The following SLC24A3 variants were observed in gnomAD, a reference collection of about 807,000 sequenced individuals.
SLC24A3 encodes the protein sodium/potassium/calcium exchanger 3.
Under a neutral mutation model 75.8 loss-of-function variants are expected in SLC24A3, and 28 were observed. The ratio of observed to expected loss-of-function variants is 0.37; its 90% confidence interval spans 0.27 to 0.51. The LOEUF (loss-of-function observed/expected upper bound fraction) is 0.51. Among genes scored for constraint, SLC24A3 ranks in the 20% least tolerant of loss-of-function variants. SLC24A3 has a pLI of 0.94. For missense variants in SLC24A3, 663 were observed against 847.8 expected, an observed-to-expected ratio of 0.78 and a Z score of 2.71; for synonymous variants, 372 against 334.1, an observed-to-expected ratio of 1.11 and a Z score of -1.24.
At chr20:19,380,899 C>T (rs1266011588) in intron 2 of SLC24A3, among the ~76,000 whole-genome samples, 1 of 152,118 alleles carries the variant, frequency 6.6e-6, no homozygotes, top group Non-Finnish European at 1.5e-5. Flanking sequence ...TCCTTGGCAG[C>T]AAATCTTAAA....
chr20:19,347,605 A>G (rs2024618), intron 2 of SLC24A3, among the ~76,000 whole-genome samples: 69,961 of 152,126 alleles, frequency 0.46, 17,523 homozygotes, highest in African/African-American at 0.66. Context: ...AAAAATTAGT[A>G]TTTGTGATTA....
intron 2 of SLC24A3, among the ~76,000 whole-genome samples, chr20:19,397,647 C>CTTTTTTTTTTTTT (rs3057518): frequency 2.4e-4 from 28 of 117,086 alleles, no homozygotes; most frequent in Non-Finnish European, 3.6e-4. Flanking sequence ...TTTTTCTTTT[C>CTTTTTTTTTTTTT]TTTTTTTTTT....
At chr20:19,418,461 G>A (rs576094371) in intron 2 of SLC24A3, among the ~76,000 whole-genome samples, 62 of 151,784 alleles carry the variant, frequency 4.1e-4, no homozygotes, top group African/African-American at 1.4e-3. Flanking sequence ...AAAGTAGGGG[G>A]AAAAAAATAA....
chr20:19,712,029 C>T (rs1197593524), intron 15 of SLC24A3, among the ~76,000 whole-genome samples: 3 of 152,098 alleles, frequency 2.0e-5, no homozygotes, highest in African/African-American at 7.2e-5. Flanking sequence ...TCACTGTAGC[C>T]TCGACCTTCC....
intron 15 of SLC24A3, among the ~76,000 whole-genome samples, chr20:19,709,184 G>C (rs2032963508): frequency 6.6e-6 from 1 of 151,922 alleles, no homozygotes; most frequent in Non-Finnish European, 1.5e-5. Context: ...GGAGCTGGGG[G>C]GTTTATTCAC....
chr20:19,544,484 G>T (rs1036103052), intron 3 of SLC24A3, among the ~76,000 whole-genome samples: 4 of 152,118 alleles, frequency 2.6e-5, no homozygotes, highest in East Asian at 1.9e-4. Flanking sequence ...AAATTCTAGC[G>T]CTTGTGTACA....
In SLC24A3 at chr20:19,721,314, C is replaced by G. The variant is rs542626049; in HGVS notation, c.*174C>G. On this transcript the variant is annotated 3_prime_UTR_variant, in exon 17 of 17. Coordinates refer to ENST00000328041, the MANE Select transcript of SLC24A3 (RefSeq NM_020689.4). ...CTCTCCCCTGACCCATCCTCGCTCCCCCACCTCCTTGGGTCATGCCCACCC... is the reference window on the plus strand; with the variant it reads ...CTCTCCCCTGACCCATCCTCGCTCCGCCACCTCCTTGGGTCATGCCCACCC... The G allele has an allele frequency of 1.1e-5, 8 of 709,384 alleles. No homozygotes were observed. The highest frequency in any genetic ancestry group is 1.8e-5 in the African/African-American group (1 of 55,592). The allele number at this position is 709,384 out of a possible 1,614,324, so 43.9% of individuals were successfully genotyped here.
At chr20:19,325,734 G>T (rs112280922) in intron 2 of SLC24A3, among the ~76,000 whole-genome samples, 1 of 118,760 alleles carries the variant, frequency 8.4e-6, no homozygotes, top group Non-Finnish European at 1.6e-5. Context: ...ATATATATAT[G>T]TGTGTGTGTG....
chr20:19,642,209 A>G (rs1354706836), intron 6 of SLC24A3, among the ~76,000 whole-genome samples: 2 of 152,222 alleles, frequency 1.3e-5, no homozygotes, highest in African/African-American at 4.8e-5. Flanking sequence ...TGACAGCCCC[A>G]TATCATTCAG....
At chr20:19,322,558 G>C (rs1256627381) in intron 2 of SLC24A3, among the ~76,000 whole-genome samples, 1 of 152,054 alleles carries the variant, frequency 6.6e-6, no homozygotes, top group Non-Finnish European at 1.5e-5. Flanking sequence ...TTTCTTTCCT[G>C]TGTGGGTATT....
chr20:19,350,872 G>A (rs986895923), intron 2 of SLC24A3, among the ~76,000 whole-genome samples: 2 of 152,054 alleles, frequency 1.3e-5, no homozygotes, highest in African/African-American at 2.4e-5. Context: ...CCAAGAAAGA[G>A]TAGAACCACA....
intron 1 of SLC24A3, among the ~76,000 whole-genome samples, chr20:19,260,895 G>A (rs749975811): frequency 1.3e-5 from 2 of 152,300 alleles, no homozygotes; most frequent in East Asian, 3.9e-4. Flanking sequence ...ATCATCTGGC[G>A]GTAGACAGCC....
chr20:19,490,909 TC>T (rs1988200052), intron 2 of SLC24A3, among the ~76,000 whole-genome samples: 1 of 152,216 alleles, frequency 6.6e-6, no homozygotes, highest in Non-Finnish European at 1.5e-5. Flanking sequence ...TCCCTGCTCC[TC>T]CCTCATGGCA....
At chr20:19,360,572 T>C (rs1985767470) in intron 2 of SLC24A3, among the ~76,000 whole-genome samples, 1 of 152,248 alleles carries the variant, frequency 6.6e-6, no homozygotes. Flanking sequence ...TCTGAATCTA[T>C]GGATACCTCA....
At chr20:19,618,796 A>T (rs1568674786) in intron 6 of SLC24A3, among the ~76,000 whole-genome samples, 1 of 152,244 alleles carries the variant, frequency 6.6e-6, no homozygotes, top group Non-Finnish European at 1.5e-5. Flanking sequence ...GTTACTTCAG[A>T]TGAAAGCTGA....
intron 2 of SLC24A3, among the ~76,000 whole-genome samples, chr20:19,424,819 C>A (rs2122442415): frequency 6.8e-6 from 1 of 147,690 alleles, no homozygotes; most frequent in Non-Finnish European, 1.5e-5. Flanking sequence ...TACATAACCA[C>A]AATGTCACTG....
At chr20:19,323,882 A>C (rs1393890768) in intron 2 of SLC24A3, among the ~76,000 whole-genome samples, 1 of 152,214 alleles carries the variant, frequency 6.6e-6, no homozygotes, top group East Asian at 1.9e-4. Flanking sequence ...AAACCATTTA[A>C]TTGATGTTAT....
chr20:19,513,135 C>T (rs1307921755), intron 2 of SLC24A3, among the ~76,000 whole-genome samples: 1 of 152,208 alleles, frequency 6.6e-6, no homozygotes, highest in East Asian at 1.9e-4. Flanking sequence ...TATTGCTTCT[C>T]CTCCAGGAGA....
intron 9 of SLC24A3, among the ~76,000 whole-genome samples, chr20:19,678,283 G>T (rs1191530875): frequency 7.1e-6 from 1 of 140,882 alleles, no homozygotes; most frequent in Non-Finnish European, 1.6e-5. Context: ...AGTAGGGGCG[G>T]CCGGGCAGAG....
Sources: gnomAD v4.1 joint callset for allele counts (sites outside exome capture counted in the v4.1 genomes callset) on GRCh38, gnomAD v4.1.1 for gene constraint, MANE v1.5 for transcripts, NCBI Gene and HGNC (gene_info 2026-07-23, HGNC 2026-07-21) for gene names.